Variants in SLC24A3 observed in about 807,000 individuals in gnomAD.
SLC24A3 encodes solute carrier family 24 member 3, also known as sodium/potassium/calcium exchanger 3.
Under a neutral mutation model 75.8 loss-of-function variants are expected in SLC24A3, and 28 were observed. The observed-to-expected ratio is 0.37, with a 90% confidence interval of 0.27 to 0.51. SLC24A3 has a LOEUF of 0.51. SLC24A3 is among the 20% of genes least tolerant of loss of function. The probability of loss-of-function intolerance (pLI) is 0.94; values close to 1 mark genes in which losing one functional copy is unlikely to be tolerated. For synonymous variants in SLC24A3, 372 were observed against 334.1 expected (o/e 1.11, Z -1.24); for missense variants, 663 against 847.8 (o/e 0.78, Z 2.71).
At chr20:19,350,949 G>T (rs1318205815) in intron 2 of SLC24A3, among the ~76,000 whole-genome samples, 8 of 152,152 alleles carry the variant, frequency 5.3e-5, no homozygotes, top group Admixed American at 4.6e-4. Flanking sequence ...TGGACAGATA[G>T]GATGCTTACC....
intron 6 of SLC24A3, among the ~76,000 whole-genome samples, chr20:19,638,380 AG>A (rs2032027037): frequency 5.3e-5 from 8 of 152,244 alleles, no homozygotes; most frequent in Admixed American, 5.2e-4. Context: ...GAGACAGGGA[AG>A]AGTTGTTTTT....
chr20:19,597,755 A>G (rs1018592214), intron 6 of SLC24A3, among the ~76,000 whole-genome samples: 12 of 152,298 alleles, frequency 7.9e-5, no homozygotes, highest in African/African-American at 2.4e-4. Flanking sequence ...GCTGGTATCC[A>G]TCATTCTACT....
chr20:19,386,942 T>A (rs1052135822), intron 2 of SLC24A3, among the ~76,000 whole-genome samples: 1 of 152,186 alleles, frequency 6.6e-6, no homozygotes, highest in Non-Finnish European at 1.5e-5. Context: ...TTTAAATGTT[T>A]GTTAAAGTTC....
intron 2 of SLC24A3, among the ~76,000 whole-genome samples, chr20:19,397,385 A>G (rs1287205563): frequency 6.6e-6 from 1 of 152,202 alleles, no homozygotes; most frequent in Non-Finnish European, 1.5e-5. Flanking sequence ...CTTGACGCCA[A>G]GCCCTCCAAT....
intron 7 of SLC24A3, among the ~76,000 whole-genome samples, chr20:19,661,915 GC>G (rs2032331244): frequency 6.6e-6 from 1 of 152,148 alleles, no homozygotes; most frequent in Admixed American, 6.6e-5. Flanking sequence ...CCTGATGTAA[GC>G]CCGTCTTGCT....
intron 2 of SLC24A3, among the ~76,000 whole-genome samples, chr20:19,459,524 C>T (rs4429536): frequency 0.55 from 82,850 of 151,978 alleles, 22,866 homozygotes; most frequent in Non-Finnish European, 0.58. Context: ...TGAGACATCA[C>T]GTAAATGTTT....
intron 12 of SLC24A3, among the ~76,000 whole-genome samples, chr20:19,688,309 C>T (rs1276026806): frequency 6.6e-6 from 1 of 152,200 alleles, no homozygotes; most frequent in African/African-American, 2.4e-5. Context: ...CAGCAATCTT[C>T]CCAGTTCTTC....
intron 6 of SLC24A3, among the ~76,000 whole-genome samples, chr20:19,634,043 C>G (rs555626782): frequency 6.6e-6 from 1 of 152,124 alleles, no homozygotes; most frequent in African/African-American, 2.4e-5. Flanking sequence ...AATTCTTGTG[C>G]CTTCCATTTC....
chr20:19,661,172 A>G (rs886625131), intron 7 of SLC24A3, among the ~76,000 whole-genome samples: 3 of 152,064 alleles, frequency 2.0e-5, no homozygotes, highest in Non-Finnish European at 4.4e-5. Context: ...CCCATCTCCT[A>G]TATCCTCAGT....
intron 2 of SLC24A3, among the ~76,000 whole-genome samples, chr20:19,490,090 C>T (rs1347138703): frequency 6.6e-6 from 1 of 152,196 alleles, no homozygotes; most frequent in Non-Finnish European, 1.5e-5. Context: ...ACAGATCTTC[C>T]TCCTTACTCA....
intron 6 of SLC24A3, among the ~76,000 whole-genome samples, chr20:19,627,403 AAG>A (rs1211315256): frequency 6.6e-6 from 1 of 152,200 alleles, no homozygotes; most frequent in East Asian, 1.9e-4. Context: ...TTGTGAGAAA[AAG>A]AGAATTCCTT....
chr20:19,223,021 A>G (rs2122135293), intron 1 of SLC24A3, among the ~76,000 whole-genome samples: 1 of 152,256 alleles, frequency 6.6e-6, no homozygotes, highest in South Asian at 2.1e-4. Context: ...GGCCAGGCAC[A>G]GTGGCTCATG....
intron 6 of SLC24A3, among the ~76,000 whole-genome samples, chr20:19,628,773 CTT>C (rs1344821762): frequency 1.3e-5 from 2 of 152,110 alleles, no homozygotes; most frequent in Non-Finnish European, 2.9e-5. Context: ...AGGCACACCA[CTT>C]CAGCTGGGAA....
chr20:19,269,270 A>G (rs1983255652), intron 1 of SLC24A3, among the ~76,000 whole-genome samples: 1 of 152,218 alleles, frequency 6.6e-6, no homozygotes, highest in Non-Finnish European at 1.5e-5. Context: ...ACAGACCTAG[A>G]TTGATCATCA....
chr20:19,641,332 C>A (rs2032073055), intron 6 of SLC24A3, among the ~76,000 whole-genome samples: 1 of 152,206 alleles, frequency 6.6e-6, no homozygotes, highest in African/African-American at 2.4e-5. Flanking sequence ...GCCTCTGAGT[C>A]TTCCCAGCTA....
intron 2 of SLC24A3, among the ~76,000 whole-genome samples, chr20:19,486,438 T>C (rs935394148): frequency 2.0e-5 from 3 of 152,192 alleles, no homozygotes; most frequent in Admixed American, 1.3e-4. Context: ...TTATTGAATG[T>C]ATGTTTTAAA....
chr20:19,378,712 C>T (rs774225986), intron 2 of SLC24A3, among the ~76,000 whole-genome samples: 9 of 152,116 alleles, frequency 5.9e-5, no homozygotes, highest in African/African-American at 9.7e-5. Context: ...ACACAGGTCC[C>T]CAAAGCTCAG....
chr20:19,217,452 C>CGTAT (rs1311316060), intron 1 of SLC24A3, among the ~76,000 whole-genome samples: 1 of 152,140 alleles, frequency 6.6e-6, no homozygotes, highest in Non-Finnish European at 1.5e-5. Flanking sequence ...TACACACAGA[C>CGTAT]GTATGTATGT....
At chr20:19,635,724 T>C (rs1194092465) in intron 6 of SLC24A3, among the ~76,000 whole-genome samples, 1 of 152,214 alleles carries the variant, frequency 6.6e-6, no homozygotes, top group African/African-American at 2.4e-5. Flanking sequence ...TCTAGGACTA[T>C]CACCTGGAGC....
Sources: allele counts gnomAD v4.1 joint callset (sites outside exome capture counted in the v4.1 genomes callset), GRCh38; gene constraint gnomAD v4.1.1; transcripts MANE v1.5; gene names NCBI Gene and HGNC (gene_info 2026-07-23, HGNC 2026-07-21).